Variants in CSMD2 observed in about 807,000 individuals in gnomAD.
The protein encoded by CSMD2 is CUB and sushi domain-containing protein 2.
Under a neutral mutation model 398.5 loss-of-function variants are expected in CSMD2, and 130 were observed. The observed-to-expected ratio is 0.33, with a 90% CI of 0.28 to 0.38. The LOEUF (loss-of-function observed/expected upper bound fraction) is 0.38. CSMD2 is among the 10% of genes least tolerant of loss of function. The probability of loss-of-function intolerance (pLI) is 1.00; values close to 1 mark genes in which losing one functional copy is unlikely to be tolerated. For missense variants in CSMD2, 3,829 were observed against 4,764.9 expected (o/e 0.80, Z 5.78); for synonymous variants, 1,828 against 1,908.5 (o/e 0.96, Z 1.10).
chr1:33,717,734 G>T (rs1406790677), intron 19 of CSMD2, among the ~76,000 whole-genome samples: 4 of 151,712 alleles, frequency 2.6e-5, no homozygotes, highest in African/African-American at 9.7e-5. Context: ...GAAGAGGGCA[G>T]AGTGAGAATC....
intron 1 of CSMD2, among the ~76,000 whole-genome samples, chr1:34,130,013 A>G (rs1663169403): frequency 6.6e-6 from 1 of 152,226 alleles, no homozygotes; most frequent in Non-Finnish European, 1.5e-5. Context: ...ATGAGACTCC[A>G]GGCCCTGGGG....
chr1:33,573,523 C>CAA (rs60051115), intron 49 of CSMD2, among the ~76,000 whole-genome samples: 13 of 138,260 alleles, frequency 9.4e-5, no homozygotes, highest in African/African-American at 3.4e-4. Flanking sequence ...AAAAAACAAA[C>CAA]AAAAAAAAAA....
intron 5 of CSMD2, among the ~76,000 whole-genome samples, chr1:33,899,990 C>A (rs1642643520): frequency 6.6e-6 from 1 of 152,192 alleles, no homozygotes; most frequent in South Asian, 2.1e-4. Flanking sequence ...GGACCTTAAA[C>A]CTCTGAAAGA....
intron 19 of CSMD2, among the ~76,000 whole-genome samples, chr1:33,720,761 G>A (rs1646333797): frequency 6.6e-6 from 1 of 152,154 alleles, no homozygotes; most frequent in Non-Finnish European, 1.5e-5. Flanking sequence ...GCAATGGCAC[G>A]ATCTCGGCTC....
rs549609767 is a variant in CSMD2, at chr1:34,045,096, T to G, written c.405-12390A>C. ...ACACACACCCCTACAAACACAGGTT[T>G]TCACTGGTAATTCCCCTTTGCATTT... On this transcript the variant is annotated intron_variant, in intron 2 of 70. Coordinates refer to ENST00000373381, the MANE Select transcript of CSMD2 (RefSeq NM_001281956.2). 4.0e-5 allele frequency among the ~76,000 whole-genome samples: 6 copies of G among 151,490 alleles called. No individual in the cohort carries two copies. The East Asian group carries it at 1.2e-3, about 30-fold the overall frequency.
intron 3 of CSMD2, among the ~76,000 whole-genome samples, chr1:33,947,356 G>C (rs1328268423): frequency 6.6e-6 from 1 of 152,148 alleles, no homozygotes; most frequent in East Asian, 1.9e-4. Context: ...TGGTAGGGAA[G>C]TATTGCCTTG....
At chr1:33,976,752 C>T (rs917229648) in intron 3 of CSMD2, among the ~76,000 whole-genome samples, 2 of 152,170 alleles carry the variant, frequency 1.3e-5, no homozygotes, top group African/African-American at 4.8e-5. Flanking sequence ...CTCTGAACTG[C>T]TCTGACCCTC....
At position 33,624,342 on chromosome 1, in the gene CSMD2, C is replaced by A. The variant is rs956866869; in HGVS notation, c.5625+177G>T. Among the ~76,000 whole-genome samples the A allele has an allele frequency of 6.6e-6, 1 of 152,178 alleles. No individual in the cohort carries two copies. Among genetic ancestry groups the A allele is most frequent in the African/African-American group, 2.4e-5 (1 of 41,450 alleles). ...TGTGTTTTCTGCATGGGAGCCACAT[C>A]TCCACACTTGGACTGAGCCTCCTTA... On this transcript the variant is annotated intron_variant, in intron 35 of 70. Transcript: ENST00000373381. The surrounding 1 kb of genome is among the most constrained non-coding windows in gnomAD (Gnocchi z 4.7).
At position 34,111,089 on chromosome 1, in the gene CSMD2, A is replaced by G. The variant is rs148523934; in HGVS notation, c.188-21896T>C. On this transcript the variant is annotated intron_variant, in intron 1 of 70. Coordinates refer to ENST00000373381, the MANE Select transcript of CSMD2 (RefSeq NM_001281956.2). ...TTTATTTCCTCCTGCTAGAATATTT[A>G]CTTCACAAGAGAAAGGCCTTTGTTT... 1.8e-3 allele frequency among the ~76,000 whole-genome samples: 267 copies of G among 152,272 alleles called. 1 individual carries two copies. Among genetic ancestry groups the G allele is most frequent in the African/African-American group, 6.0e-3 (251 of 41,554 alleles).
At chr1:33,784,291 G>GGAGGTC (rs1191594086) in intron 12 of CSMD2, among the ~76,000 whole-genome samples, 1 of 152,166 alleles carries the variant, frequency 6.6e-6, no homozygotes, top group Non-Finnish European at 1.5e-5. Context: ...AGGTGGAGGT[G>GGAGGTC]ATAGGAGCCC....
At chr1:33,596,524 A>C (rs1015810135) in intron 44 of CSMD2, among the ~76,000 whole-genome samples, 1 of 152,214 alleles carries the variant, frequency 6.6e-6, no homozygotes, top group Admixed American at 6.5e-5. Flanking sequence ...AAAGAGGTTT[A>C]GTTGACTCAC....
At chr1:33,678,663 C>T (rs1644801593) in intron 25 of CSMD2, among the ~76,000 whole-genome samples, 2 of 152,030 alleles carry the variant, frequency 1.3e-5, no homozygotes, top group Admixed American at 6.6e-5. Flanking sequence ...ATCAAATGCC[C>T]CCCTCTAAGC....
At chr1:33,670,780 A>G (rs1460242575) in intron 25 of CSMD2, among the ~76,000 whole-genome samples, 2 of 152,212 alleles carry the variant, frequency 1.3e-5, no homozygotes, top group Non-Finnish European at 2.9e-5. Flanking sequence ...GGCACTGGTG[A>G]TTCAGATAAG....
At chr1:34,001,421 C>G in intron 3 of CSMD2, among the ~76,000 whole-genome samples, 1 of 152,172 alleles carries the variant, frequency 6.6e-6, no homozygotes, top group East Asian at 1.9e-4. Context: ...ATATGGACAT[C>G]TAGGCAGAAA....
intron 15 of CSMD2, 21 bp from the exon 16 acceptor site, chr1:33,726,706 G>A: frequency 1.3e-5 from 21 of 1,597,646 alleles, no homozygotes; most frequent in Non-Finnish European, 1.8e-5. Context: ...AGAAGGAAGA[G>A]AGGCAGCTTT....
chr1:33,622,332 TC>T, intron 36 of CSMD2, 61 bp from the exon 37 acceptor site: 1 of 1,214,814 alleles, frequency 8.2e-7, no homozygotes, highest in Non-Finnish European at 1.2e-6. Context: ...CTTGCATTCC[TC>T]CCCATTCCTC....
intron 5 of CSMD2, among the ~76,000 whole-genome samples, chr1:33,915,615 G>C (rs775966838): frequency 5.9e-5 from 9 of 152,134 alleles, no homozygotes; most frequent in Admixed American, 1.3e-4. Flanking sequence ...CTCACACCTG[G>C]AGGGCAGAAG....
chr1:33,772,909 G>A (rs796559351), intron 12 of CSMD2, among the ~76,000 whole-genome samples, 158 bp from the exon 13 acceptor site: 38 of 152,324 alleles, frequency 2.5e-4, no homozygotes, highest in African/African-American at 9.1e-4. Flanking sequence ...AATGAGGTTT[G>A]TGAGAAATCC....
At position 33,926,448 on chromosome 1, in the gene CSMD2, C is replaced by T. The variant is rs117289147; in HGVS notation, c.713-8147G>A. 2.0e-3 allele frequency among the ~76,000 whole-genome samples: 297 copies of T among 152,298 alleles called. 6 individuals carry two copies. Among genetic ancestry groups the T allele is most frequent in the East Asian group, 0.014 (71 of 5,170 alleles). ...TGAGGACTTGAGAACTTGAGATCCT[C>T]TGGCCAGAGCTACCAGTCTCCTCTG... On this transcript the variant is annotated intron_variant, in intron 4 of 70. Coordinates refer to ENST00000373381, the MANE Select transcript of CSMD2 (RefSeq NM_001281956.2).
Sources: allele counts gnomAD v4.1 joint callset (sites outside exome capture counted in the v4.1 genomes callset), GRCh38; gene constraint gnomAD v4.1.1; non-coding constraint Gnocchi (gnomAD v3.1); transcripts MANE v1.5; gene names NCBI Gene and HGNC (gene_info 2026-07-23, HGNC 2026-07-21).